MRTFB: variants seen among roughly 807,000 people sequenced by gnomAD.
MRTFB encodes the protein myocardin related transcription factor B, also known as myocardin-related transcription factor B.
Under a neutral mutation model 104.2 loss-of-function variants are expected in MRTFB, and 29 were observed. The ratio of observed to expected loss-of-function variants is 0.28; its 90% CI spans 0.21 to 0.38. The LOEUF (loss-of-function observed/expected upper bound fraction) is 0.38. Among genes scored for constraint, MRTFB ranks in the 10% least tolerant of loss-of-function variants. The pLI, the probability that MRTFB is intolerant of heterozygous loss-of-function variation, is 1.00. For synonymous variants in MRTFB, 535 were observed against 519.5 expected, an observed-to-expected ratio of 1.03 and a Z score of -0.41; for missense variants, 1,270 against 1,341.6, an observed-to-expected ratio of 0.95 and a Z score of 0.83.
intron 3 of MRTFB, chr16:14,200,766 G>C: frequency 6.8e-7 from 1 of 1,473,740 alleles, no homozygotes; most frequent in South Asian, 1.1e-5. Context: ...CCAGTGCTGT[G>C]GGTGATACTT....
chr16:14,156,115 T>C (rs779655276), intron 3 of MRTFB, among the ~76,000 whole-genome samples: 1 of 152,170 alleles, frequency 6.6e-6, no homozygotes, highest in Non-Finnish European at 1.5e-5. Flanking sequence ...TTCCCTCCTC[T>C]CAGGGGCCAC....
chr16:14,115,133 A>ACC (rs1476418054), intron 2 of MRTFB, among the ~76,000 whole-genome samples: 2 of 152,188 alleles, frequency 1.3e-5, no homozygotes, highest in Admixed American at 1.3e-4. Context: ...TGGGAGGATG[A>ACC]CCTCAAGTCC....
At chr16:14,252,049 G>GT in intron 14 of MRTFB, 26 bp downstream of exon 14, 1 of 1,610,378 alleles carries the variant, frequency 6.2e-7, no homozygotes, top group African/African-American at 1.3e-5. Flanking sequence ...TTGTGTGTCA[G>GT]TGACAGTGCC....
chr16:14,109,906 A>G (rs1480818720), intron 2 of MRTFB, among the ~76,000 whole-genome samples: 1 of 152,244 alleles, frequency 6.6e-6, no homozygotes, highest in Non-Finnish European at 1.5e-5. Flanking sequence ...CCAGGGAACC[A>G]TACACATGGC....
chr16:14,235,795 T>C (rs1478641986), intron 9 of MRTFB, among the ~76,000 whole-genome samples: 1 of 152,234 alleles, frequency 6.6e-6, no homozygotes, highest in Non-Finnish European at 1.5e-5. Flanking sequence ...ACAATTATTT[T>C]ATCACTCTAC....
Position 14,263,166 on chromosome 16 carries a change from C to A in MRTFB, c.*1722C>A, listed in dbSNP as rs993782422. The A allele has an allele frequency of 3.3e-5, 5 of 152,232 alleles. No individual in the cohort carries two copies. Among genetic ancestry groups the A allele is most frequent in the Admixed American group, 1.3e-4 (2 of 15,282 alleles). The allele number at this position is 152,232 out of a possible 1,614,324, so 9.4% of individuals were successfully genotyped here. A position where few individuals can be genotyped will look rare whatever the true frequency, so the allele number is the denominator to read the frequency against. ...CATGTGCCTTCCAGACGGTTCAAGG[C>A]AGAGGCCACTGTGCTCAGTGTAGTC... On this transcript the variant is annotated 3_prime_UTR_variant, in exon 17 of 17. Transcript: ENST00000571589.
the MRTFB span, among the ~76,000 whole-genome samples, chr16:14,047,983 A>AGTCCCTTCT: frequency 6.6e-6 from 1 of 152,218 alleles, no homozygotes; most frequent in Non-Finnish European, 1.5e-5. Flanking sequence ...AGACAAGGCA[A>AGTCCCTTCT]GTCCCTTCTG....
chr16:14,027,299 G>T, the MRTFB span, among the ~76,000 whole-genome samples: 4 of 152,172 alleles, frequency 2.6e-5, no homozygotes, highest in African/African-American at 9.7e-5. Flanking sequence ...TGTTCTATAT[G>T]ATTCCATTTA....
At chr16:14,118,206 G>A (rs116001518) in intron 2 of MRTFB, among the ~76,000 whole-genome samples, 3,589 of 147,132 alleles carry the variant, frequency 0.024, 159 homozygotes, top group African/African-American at 0.086. Context: ...GCATGATCTC[G>A]ACTCACTGCC....
chr16:14,141,472 A>G (rs2037994065), intron 3 of MRTFB: 2 of 152,234 alleles, frequency 1.3e-5, no homozygotes, highest in African/African-American at 4.8e-5. Flanking sequence ...CATGCACATT[A>G]AAAAATAGAA....
the MRTFB span, among the ~76,000 whole-genome samples, chr16:14,025,006 C>G: frequency 6.6e-6 from 1 of 152,102 alleles, no homozygotes; most frequent in African/African-American, 2.4e-5. Flanking sequence ...ATAGCTTTTC[C>G]TTTTTTTGTA....
the MRTFB span, among the ~76,000 whole-genome samples, chr16:14,007,686 G>A: frequency 1.3e-5 from 2 of 152,204 alleles, no homozygotes; most frequent in Non-Finnish European, 2.9e-5. Flanking sequence ...CACCAGCAAT[G>A]TGTGATGATG....
At chr16:14,047,827 C>G in the MRTFB span, among the ~76,000 whole-genome samples, 1 of 152,140 alleles carries the variant, frequency 6.6e-6, no homozygotes, top group African/African-American at 2.4e-5. Context: ...GGTGGGGACA[C>G]AGCCAAAACT....
At chr16:14,079,560 C>A (rs935626997) in intron 2 of MRTFB, among the ~76,000 whole-genome samples, 1 of 152,074 alleles carries the variant, frequency 6.6e-6, no homozygotes, top group Non-Finnish European at 1.5e-5. Flanking sequence ...CTCTTCGAAT[C>A]TAATCTTTAT....
intron 1 of MRTFB, among the ~76,000 whole-genome samples, chr16:14,071,951 C>T (rs989766836): frequency 6.6e-6 from 1 of 151,966 alleles, no homozygotes; most frequent in Non-Finnish European, 1.5e-5. Flanking sequence ...GCTTTTGTCT[C>T]GTTCCTAAAA....
the MRTFB span, among the ~76,000 whole-genome samples, chr16:14,050,472 TCC>T: frequency 6.6e-6 from 1 of 152,060 alleles, no homozygotes; most frequent in Non-Finnish European, 1.5e-5. Flanking sequence ...TCAGCAATTC[TCC>T]CATCTCCCTT....
chr16:13,998,959 G>A, the MRTFB span, among the ~76,000 whole-genome samples: 1 of 146,634 alleles, frequency 6.8e-6, no homozygotes, highest in Non-Finnish European at 1.5e-5. Context: ...TTGGGAGGCT[G>A]AGGCAGGCAG....
chr16:14,261,459 T>C lies in MRTFB; in HGVS notation c.*15T>C. 1 of 1,568,056 alleles carries C rather than the reference T, an allele frequency of 6.4e-7. No homozygotes were observed. Among genetic ancestry groups the C allele is most frequent in the Non-Finnish European group, 8.7e-7 (1 of 1,154,600 alleles). On this transcript the variant is annotated 3_prime_UTR_variant, in exon 17 of 17. Coordinates refer to ENST00000571589, the MANE Select transcript of MRTFB (RefSeq NM_001308142.2). ...CATGGGACTAACGTCACAGATTTCT[T>C]TTCTGAGAGTTGATGAGGTTTAAGA...
chr16:14,247,662 C>A, intron 12 of MRTFB, 155 bp downstream of exon 12: 1 of 663,006 alleles, frequency 1.5e-6, no homozygotes, highest in Non-Finnish European at 2.5e-6. Context: ...ATTCAGAAAT[C>A]TGAATATCTA....
Sources: gnomAD v4.1 joint callset for allele counts (sites outside exome capture counted in the v4.1 genomes callset) on GRCh38, gnomAD v4.1.1 for gene constraint, MANE v1.5 for transcripts, NCBI Gene and HGNC (gene_info 2026-07-23, HGNC 2026-07-21) for gene names.